Variants in ZDHHC2 observed in about 807,000 individuals in gnomAD.
The protein encoded by ZDHHC2 is palmitoyltransferase ZDHHC2.
Under a neutral mutation model 55.6 loss-of-function variants are expected in ZDHHC2, and 51 were observed. The ratio of observed to expected loss-of-function variants is 0.92; its 90% CI spans 0.73 to 1.16. ZDHHC2 has a LOEUF of 1.16. Ranked by LOEUF, ZDHHC2 falls within the 50% of genes most tolerant of loss-of-function variation. ZDHHC2 has a pLI of 0.00. For missense variants in ZDHHC2, 491 were observed against 442.4 expected (o/e 1.11, Z -0.99); for synonymous variants, 199 against 152.9 (o/e 1.30, Z -2.22).
At chr8:17,213,789 G>C (rs1807502099) in intron 10 of ZDHHC2, among the ~76,000 whole-genome samples, 1 of 152,044 alleles carries the variant, frequency 6.6e-6, no homozygotes, top group South Asian at 2.1e-4. Context: ...CCCAGGATCT[G>C]GTTAGTCTTC....
intron 6 of ZDHHC2, among the ~76,000 whole-genome samples, chr8:17,199,525 T>TCGTCTTCGTCTG (rs1806551588): frequency 2.7e-5 from 1 of 37,640 alleles, no homozygotes; most frequent in African/African-American, 5.9e-5. Context: ...GTCTTCGTCT[T>TCGTCTTCGTCTG]CGTCTTCTGT....
intron 1 of ZDHHC2, among the ~76,000 whole-genome samples, chr8:17,178,991 C>T (rs1805295740): frequency 6.6e-6 from 1 of 152,086 alleles, no homozygotes; most frequent in African/African-American, 2.4e-5. Flanking sequence ...CGCTCTGTTG[C>T]CCAGGCTTGA....
chr8:17,163,139 T>C (rs1177999500), intron 1 of ZDHHC2, among the ~76,000 whole-genome samples: 1 of 152,136 alleles, frequency 6.6e-6, no homozygotes, highest in Non-Finnish European at 1.5e-5. Context: ...GAGCTTAGCT[T>C]AGAAATGGAC....
intron 6 of ZDHHC2, among the ~76,000 whole-genome samples, chr8:17,201,479 CTCTTTTTTTTT>C (rs1388448462): frequency 1.1e-5 from 1 of 88,194 alleles, no homozygotes; most frequent in Non-Finnish European, 2.5e-5. Context: ...CTCTCTCTCT[CTCTTTTTTTTT>C]TTTTTTTTTT....
chr8:17,167,571 T>C (rs1804665109), intron 1 of ZDHHC2, among the ~76,000 whole-genome samples: 1 of 152,050 alleles, frequency 6.6e-6, no homozygotes, highest in South Asian at 2.1e-4. Flanking sequence ...GCTGGGATTA[T>C]AGGCGTGAGC....
At position 17,220,547 on chromosome 8, in the gene ZDHHC2, C is replaced by A. The variant is rs778671219; in HGVS notation, c.*326C>A. On this transcript the variant is annotated 3_prime_UTR_variant, in exon 13 of 13. Coordinates refer to ENST00000262096, the MANE Select transcript of ZDHHC2 (RefSeq NM_016353.5). ...TTTTTACCCAAATATATGGGTAGCA[C>A]AGTTTATCACATAGAAACTCCATTA... 6.6e-6 allele frequency: 1 copy of A among 152,146 alleles called. No individual in the cohort carries two copies. The highest frequency in any genetic ancestry group is 1.5e-5 in the Non-Finnish European group (1 of 68,022). The allele number at this position is 152,146 out of a possible 1,614,324, so 9.4% of individuals were successfully genotyped here. A position where few individuals can be genotyped will look rare whatever the true frequency, so the allele number is the denominator to read the frequency against.
At chr8:17,165,987 A>G (rs1310030501) in intron 1 of ZDHHC2, among the ~76,000 whole-genome samples, 1 of 152,180 alleles carries the variant, frequency 6.6e-6, no homozygotes, top group East Asian at 1.9e-4. Flanking sequence ...GTAGTGAGCA[A>G]GGGAAAGGGA....
intron 6 of ZDHHC2, among the ~76,000 whole-genome samples, chr8:17,201,419 A>C (rs570869650): frequency 1.7e-4 from 25 of 145,362 alleles, no homozygotes; most frequent in Admixed American, 1.0e-3. Flanking sequence ...ATCTAATGGC[A>C]GTCACTTATA....
intron 6 of ZDHHC2, among the ~76,000 whole-genome samples, chr8:17,199,520 C>CGTCTTCT (rs1563161174): frequency 3.3e-4 from 13 of 39,846 alleles, no homozygotes; most frequent in South Asian, 2.0e-3. Context: ...TCTTCGTCTT[C>CGTCTTCT]GTCTTCGTCT....
intron 7 of ZDHHC2, among the ~76,000 whole-genome samples, chr8:17,206,153 G>C (rs1476552019): frequency 2.6e-5 from 4 of 152,060 alleles, no homozygotes; most frequent in South Asian, 2.1e-4. Flanking sequence ...GCTTTTTGTT[G>C]GTGATTTTGC....
At chr8:17,199,360 G>A (rs1049980902) in intron 6 of ZDHHC2, among the ~76,000 whole-genome samples, 4 of 151,520 alleles carry the variant, frequency 2.6e-5, no homozygotes, top group South Asian at 2.1e-4. Context: ...CGCCCCCTTC[G>A]TACTAATTGA....
At chr8:17,195,735 C>G in intron 4 of ZDHHC2, 111 bp downstream of exon 4, 1 of 1,408,212 alleles carries the variant, frequency 7.1e-7, no homozygotes, top group Non-Finnish European at 9.7e-7. Flanking sequence ...TTTCAGAATG[C>G]TGTGTTATTT....
intron 12 of ZDHHC2, among the ~76,000 whole-genome samples, chr8:17,219,252 TAAAAA>T (rs71212684): frequency 4.0e-5 from 2 of 49,550 alleles, no homozygotes; most frequent in Admixed American, 3.7e-4. Flanking sequence ...AGCAAGACTC[TAAAAA>T]AAAAAAAAAA....
Position 17,213,807 on chromosome 8 carries a change from G to A in ZDHHC2, c.951-1430G>A, listed in dbSNP as rs573104757. 9.9e-5 allele frequency among the ~76,000 whole-genome samples: 15 copies of A among 152,124 alleles called. No individual in the cohort carries two copies. In the South Asian group the frequency reaches 1.0e-3, roughly 11 times the overall value. ...AGGATCTGGTTAGTCTTCTGTACCCGTTATATGGTCCCTTTCTTGAAGAAG... is the reference window on the plus strand; with the variant it reads ...AGGATCTGGTTAGTCTTCTGTACCCATTATATGGTCCCTTTCTTGAAGAAG... On this transcript the variant is annotated intron_variant, in intron 10 of 12. Transcript: ENST00000262096.
At position 17,156,715 on chromosome 8, in the gene ZDHHC2, G is replaced by C. The variant is rs562281126; in HGVS notation, c.-9G>C. 1.1e-4 allele frequency: 168 copies of C among 1,464,374 alleles called. No individual in the cohort carries two copies. In the African/African-American group the frequency reaches 2.1e-3, roughly 19 times the overall value. The allele number at this position is 1,464,374 out of a possible 1,614,324, so 90.7% of individuals were successfully genotyped here. On this transcript the variant is annotated 5_prime_UTR_variant, in exon 1 of 13. Coordinates refer to ENST00000262096, the MANE Select transcript of ZDHHC2 (RefSeq NM_016353.5). ...GCGGCGGAGCTGGGCAGGTGGATGC[G>C]GCTGGAAGATGGCGCCCTCGGGCCC...
At chr8:17,186,248 A>C in intron 2 of ZDHHC2, 83 bp from the exon 3 acceptor site, 1 of 898,324 alleles carries the variant, frequency 1.1e-6, no homozygotes, top group East Asian at 2.9e-5. Context: ...TGGTTATTTT[A>C]AAACAAGCAG....
At chr8:17,203,869 G>A (rs1455227894) in intron 6 of ZDHHC2, among the ~76,000 whole-genome samples, 1 of 147,312 alleles carries the variant, frequency 6.8e-6, no homozygotes, top group African/African-American at 2.5e-5. Context: ...GTGCAGTGGC[G>A]CAATCTCAGC....
At chr8:17,182,333 CCAAT>C (rs1283172106) in intron 1 of ZDHHC2, among the ~76,000 whole-genome samples, 1 of 151,964 alleles carries the variant, frequency 6.6e-6, no homozygotes, top group African/African-American at 2.4e-5. Flanking sequence ...AAAGGAAATC[CCAAT>C]CATAGTGTTT....
chr8:17,219,916 A>G (rs966788446), intron 12 of ZDHHC2, among the ~76,000 whole-genome samples: 1 of 152,220 alleles, frequency 6.6e-6, no homozygotes, highest in African/African-American at 2.4e-5. Flanking sequence ...AACTAACAAC[A>G]TAGAACCCTG....
Sources: allele counts gnomAD v4.1 joint callset (sites outside exome capture counted in the v4.1 genomes callset), GRCh38; gene constraint gnomAD v4.1.1; transcripts MANE v1.5; gene names NCBI Gene and HGNC (gene_info 2026-07-23, HGNC 2026-07-21).